The following ATG7 variants were observed in gnomAD, a reference collection of about 807,000 sequenced individuals.
ATG7 encodes ubiquitin-like modifier-activating enzyme ATG7.
A neutral mutation model predicts 82.4 loss-of-function variants in ATG7; 70 were observed. That is an observed-to-expected ratio of 0.85 (90% CI 0.70 to 1.04). The LOEUF (loss-of-function observed/expected upper bound fraction) is 1.04, where lower values mean the gene tolerates loss of function less well. Among genes scored for constraint, ATG7 ranks in the 50% least tolerant of loss-of-function variants. ATG7 has a pLI of 0.00. For synonymous variants in ATG7, 287 were observed against 313.0 expected (o/e 0.92, Z 0.88); for missense variants, 792 against 864.3 (o/e 0.92, Z 1.05).
chr3:11,556,614 C>CAACT lies in ATG7; in HGVS notation c.*1771_*1772insAACT, dbSNP rs1559842040. The CAACT allele has an allele frequency of 6.6e-6, 1 of 151,950 alleles. No homozygotes were observed. The highest frequency in any genetic ancestry group is 2.4e-5 in the African/African-American group (1 of 41,184). The allele number at this position is 151,950 out of a possible 1,614,324, so 9.4% of individuals were successfully genotyped here. A position where few individuals can be genotyped will look rare whatever the true frequency, so the allele number is the denominator to read the frequency against. ...AATCTACGACAAAAAAAAAGATCAA[C>CAACT]TTTTTTTTTCCGAACAACAAAAAAA... is the stretch of plus-strand genomic sequence containing the variant. On this transcript the variant is annotated 3_prime_UTR_variant, in exon 21 of 21. Transcript: ENST00000693202.
intron 18 of ATG7, among the ~76,000 whole-genome samples, chr3:11,379,460 C>T (rs866087839): frequency 7.9e-5 from 12 of 152,262 alleles, no homozygotes; most frequent in Middle Eastern, 3.4e-3. Flanking sequence ...CATTTTATCT[C>T]TATCTGTTCC....
At chr3:11,500,395 A>G (rs1007756672) in intron 20 of ATG7, among the ~76,000 whole-genome samples, 3 of 152,326 alleles carry the variant, frequency 2.0e-5, no homozygotes, top group African/African-American at 7.2e-5. Context: ...AGAAAACCAC[A>G]GTAAATGCCA....
the ATG7 span, among the ~76,000 whole-genome samples, chr3:11,562,981 A>G: frequency 6.6e-6 from 1 of 152,204 alleles, no homozygotes; most frequent in Non-Finnish European, 1.5e-5. Context: ...GGCTGGGGAG[A>G]GGGAGACAGG....
intron 5 of ATG7, among the ~76,000 whole-genome samples, chr3:11,300,326 G>A (rs1946595964): frequency 6.6e-6 from 1 of 152,200 alleles, no homozygotes; most frequent in South Asian, 2.1e-4. Context: ...TTTCAGATGA[G>A]GAAAGCATGG....
intron 1 of ATG7, among the ~76,000 whole-genome samples, chr3:11,278,663 G>A (rs1385856152): frequency 6.6e-6 from 1 of 152,212 alleles, no homozygotes; most frequent in Non-Finnish European, 1.5e-5. Flanking sequence ...TTCATTCTTT[G>A]TTTCAGTCAT....
chr3:11,383,655 G>A (rs1320865847), intron 19 of ATG7, among the ~76,000 whole-genome samples: 1 of 152,090 alleles, frequency 6.6e-6, no homozygotes, highest in Non-Finnish European at 1.5e-5. Context: ...TCACTCCATT[G>A]GCCAGGCTGG....
At chr3:11,547,184 G>A (rs1397918383) in intron 20 of ATG7, among the ~76,000 whole-genome samples, 1 of 152,204 alleles carries the variant, frequency 6.6e-6, no homozygotes, top group Non-Finnish European at 1.5e-5. Context: ...GAAGTAGTGA[G>A]AGAAAGTGGA....
intron 9 of ATG7, among the ~76,000 whole-genome samples, chr3:11,317,397 G>A (rs1949569147): frequency 6.6e-6 from 1 of 152,098 alleles, no homozygotes; most frequent in Admixed American, 6.5e-5. Context: ...AATAATAACA[G>A]TTTGAACAGT....
intron 13 of ATG7, among the ~76,000 whole-genome samples, chr3:11,346,157 G>T (rs1376346861): frequency 3.3e-5 from 5 of 152,184 alleles, no homozygotes; most frequent in African/African-American, 1.2e-4. Context: ...AGGACTGCAT[G>T]AGTTCACTGC....
chr3:11,535,850 C>CAT (rs2070241810), intron 20 of ATG7, among the ~76,000 whole-genome samples: 1 of 152,220 alleles, frequency 6.6e-6, no homozygotes, highest in African/African-American at 2.4e-5. Flanking sequence ...AATGGTGAAG[C>CAT]ATATCAGTCC....
At position 11,395,376 on chromosome 3, in the gene ATG7, C is replaced by G. The variant is rs2079126908; in HGVS notation, c.1956+15324C>G. On this transcript the variant is annotated intron_variant, in intron 19 of 20. Transcript: ENST00000693202. ...TTGAAACAAATGAAAAACCTGAAGCCTCAAATCCAAGAAGCCCAACAAATT... is the reference window on the plus strand; with the variant it reads ...TTGAAACAAATGAAAAACCTGAAGCGTCAAATCCAAGAAGCCCAACAAATT... Among the ~76,000 whole-genome samples the G allele has an allele frequency of 1.3e-5, 2 of 151,990 alleles. 1 individual carries two copies. The highest frequency in any genetic ancestry group is 4.2e-4 in the South Asian group (2 of 4,818).
chr3:11,360,442 TATC>T, intron 15 of ATG7, 136 bp from the exon 16 acceptor site: 3 of 820,958 alleles, frequency 3.7e-6, no homozygotes, highest in Non-Finnish European at 5.7e-6. Context: ...GGGTAGATTT[TATC>T]ATCATTAGCT....
intron 20 of ATG7, among the ~76,000 whole-genome samples, chr3:11,495,570 TA>T (rs1156448050): frequency 6.6e-6 from 1 of 152,150 alleles, no homozygotes; most frequent in Non-Finnish European, 1.5e-5. Context: ...GGCAGTTTCC[TA>T]ACGACTGGAA....
chr3:11,371,356 C>T (rs1027434402), intron 18 of ATG7, among the ~76,000 whole-genome samples: 9 of 150,308 alleles, frequency 6.0e-5, no homozygotes, highest in Admixed American at 6.6e-5. Context: ...TGCGAGACAG[C>T]GAGTAAAGGG....
At chr3:11,369,359 C>G (rs2076845085) in intron 18 of ATG7, among the ~76,000 whole-genome samples, 1 of 150,894 alleles carries the variant, frequency 6.6e-6, no homozygotes, top group African/African-American at 2.4e-5. Flanking sequence ...AAAAAATGGG[C>G]AGGCCTCATG....
At chr3:11,366,421 TA>T (rs1208856013) in intron 18 of ATG7, among the ~76,000 whole-genome samples, 1 of 152,094 alleles carries the variant, frequency 6.6e-6, no homozygotes, top group Admixed American at 6.5e-5. Flanking sequence ...ATGCATGTGT[TA>T]ATCTTTTCTA....
At chr3:11,397,687 C>A (rs1309662856) in intron 19 of ATG7, among the ~76,000 whole-genome samples, 2 of 151,700 alleles carry the variant, frequency 1.3e-5, no homozygotes, top group African/African-American at 2.4e-5. Flanking sequence ...GAACTCCTGA[C>A]CTCAAGTGAT....
chr3:11,291,999 G>A (rs1272200758), intron 3 of ATG7, among the ~76,000 whole-genome samples: 1 of 152,202 alleles, frequency 6.6e-6, no homozygotes, highest in Admixed American at 6.5e-5. Context: ...GTGGCAGTTT[G>A]TCACCTTGTT....
chr3:11,479,113 C>T (rs374498526), intron 20 of ATG7, among the ~76,000 whole-genome samples: 53 of 152,072 alleles, frequency 3.5e-4, no homozygotes, highest in African/African-American at 1.3e-3. Context: ...ATGGCAGGCT[C>T]CAGCATTGCC....
Sources: allele counts gnomAD v4.1 joint callset (sites outside exome capture counted in the v4.1 genomes callset), GRCh38; gene constraint gnomAD v4.1.1; transcripts MANE v1.5; gene names NCBI Gene and HGNC (gene_info 2026-07-23, HGNC 2026-07-21).